Variants in SGCD observed in about 807,000 individuals in gnomAD.
SGCD encodes sarcoglycan delta.
In SGCD, 18 loss-of-function variants were observed where a neutral mutation model predicts 36.6. The observed-to-expected ratio is 0.49, with a 90% CI of 0.34 to 0.73. The LOEUF (loss-of-function observed/expected upper bound fraction) is 0.73. Ranked by LOEUF, SGCD falls within the 30% of genes least tolerant of loss-of-function variation. The pLI, the probability that SGCD is intolerant of heterozygous loss-of-function variation, is 0.01. For missense variants in SGCD, 387 were observed against 346.7 expected, an observed-to-expected ratio of 1.12 and a Z score of -0.92; for synonymous variants, 133 against 130.6, an observed-to-expected ratio of 1.02 and a Z score of -0.12.
At chr5:156,700,835 C>A (rs1216265983) in intron 7 of SGCD, among the ~76,000 whole-genome samples, 1 of 150,534 alleles carries the variant, frequency 6.6e-6, no homozygotes, top group Non-Finnish European at 1.5e-5. Flanking sequence ...CCCAGCTTCT[C>A]AAGAGGCTGA....
rs1281514930 is a variant in SGCD at position 156,489,705 on chromosome 5, A to G, written c.193-18896A>G. Among the ~76,000 whole-genome samples the G allele has an allele frequency of 2.6e-5, 4 of 152,072 alleles. No homozygotes were observed. The East Asian group carries it at 7.7e-4, about 29-fold the overall frequency. On this transcript the variant is annotated intron_variant, in intron 3 of 8. Coordinates refer to ENST00000337851, the MANE Select transcript of SGCD (RefSeq NM_000337.6). ...ATGGAAACACAGCATACCTAAACCT[A>G]TGCGATACAGGAAAAGCAGCACTAA...
intron 3 of SGCD, among the ~76,000 whole-genome samples, chr5:156,296,313 G>A (rs1216631578): frequency 1.3e-5 from 2 of 152,100 alleles, no homozygotes; most frequent in Non-Finnish European, 1.5e-5. Context: ...AACTAGAGAC[G>A]GTGTCAAAGG....
At chr5:156,196,048 A>G (rs1764018787) in intron 3 of SGCD, among the ~76,000 whole-genome samples, 2 of 152,108 alleles carry the variant, frequency 1.3e-5, no homozygotes, top group South Asian at 2.1e-4. Flanking sequence ...TCTAAAGTCT[A>G]GATCCCAGAT....
intron 3 of SGCD, among the ~76,000 whole-genome samples, chr5:156,428,087 G>A (rs1475967551): frequency 6.6e-6 from 1 of 152,040 alleles, no homozygotes; most frequent in Non-Finnish European, 1.5e-5. Context: ...TCTCTATCTT[G>A]TGGAATACTG....
intron 1 of SGCD, among the ~76,000 whole-genome samples, chr5:156,085,201 G>A (rs368811619): frequency 2.6e-5 from 4 of 151,902 alleles, no homozygotes; most frequent in African/African-American, 7.3e-5. Context: ...TCTCTATCTG[G>A]TTTTGATATC....
At chr5:156,453,083 T>A (rs1299157107) in intron 3 of SGCD, among the ~76,000 whole-genome samples, 2 of 152,172 alleles carry the variant, frequency 1.3e-5, no homozygotes, top group Non-Finnish European at 2.9e-5. Context: ...CATTGCCAGA[T>A]GACATGTGTC....
intron 3 of SGCD, among the ~76,000 whole-genome samples, chr5:156,127,869 A>C (rs1436222832): frequency 1.3e-5 from 2 of 149,160 alleles, no homozygotes; most frequent in Admixed American, 6.6e-5. Flanking sequence ...AAAAAAAAAA[A>C]AAAAAAAAAA....
rs1247245256 is a variant in SGCD at position 156,635,786 on chromosome 5, C to CA, written c.503-11672dup. Among the ~76,000 whole-genome samples, 5 of 142,972 alleles carry CA rather than the reference C, an allele frequency of 3.5e-5. No individual in the cohort carries two copies. The South Asian group carries it at 6.6e-4, about 19-fold the overall frequency. The allele number at this position is 142,972 out of a possible 152,430, so 93.8% of individuals were successfully genotyped here. ...CATTCTCAGCAAACTATCACAAGGACAAAAAACCAAAGACCACATGTTCTC... is the reference window on the plus strand; with the variant it reads ...CATTCTCAGCAAACTATCACAAGGACAAAAAAACCAAAGACCACATGTTCTC... On this transcript the variant is annotated intron_variant, in intron 6 of 8. Transcript: ENST00000337851.
intron 7 of SGCD, 63 bp from the exon 8 acceptor site, chr5:156,757,518 C>T (rs1386061419): frequency 5.6e-6 from 6 of 1,064,110 alleles, no homozygotes; most frequent in Non-Finnish European, 1.4e-6. Context: ...TGAGCATGAA[C>T]TTCCTTTTGT....
intron 1 of SGCD, among the ~76,000 whole-genome samples, chr5:155,997,887 TTA>T (rs1284331052): frequency 6.6e-6 from 1 of 152,234 alleles, no homozygotes; most frequent in Admixed American, 6.5e-5. Context: ...TGAAGTTCCA[TTA>T]GAGAGAGACC....
intron 1 of SGCD, among the ~76,000 whole-genome samples, chr5:155,940,556 A>G (rs946020767): frequency 1.3e-5 from 2 of 152,166 alleles, no homozygotes; most frequent in Non-Finnish European, 2.9e-5. Flanking sequence ...AGTACTAAAA[A>G]CATTAACGGC....
intron 2 of SGCD, among the ~76,000 whole-genome samples, chr5:156,122,866 A>G (rs1310246045): frequency 1.1e-5 from 1 of 87,362 alleles, no homozygotes; most frequent in Non-Finnish European, 2.9e-5. Flanking sequence ...AAAAAAAAAA[A>G]AAAAAAAAAA....
chr5:156,724,489 C>G (rs576919390), intron 7 of SGCD, among the ~76,000 whole-genome samples: 2 of 152,060 alleles, frequency 1.3e-5, no homozygotes, highest in African/African-American at 4.8e-5. Flanking sequence ...CACCTGCAGT[C>G]CCAGCTACTC....
intron 4 of SGCD, among the ~76,000 whole-genome samples, chr5:156,522,736 TA>T (rs11351184): frequency 0.48 from 69,536 of 145,548 alleles, 16,505 homozygotes; most frequent in Non-Finnish European, 0.5. Context: ...CCCCAGCACT[TA>T]AAAAAAAAAA....
At chr5:155,778,162 A>G in the SGCD span, among the ~76,000 whole-genome samples, 1 of 152,176 alleles carries the variant, frequency 6.6e-6, no homozygotes, top group Non-Finnish European at 1.5e-5. Context: ...AAAGAATAGC[A>G]AAACACAGCA....
chr5:155,982,989 T>C (rs1448316530), intron 1 of SGCD, among the ~76,000 whole-genome samples: 2 of 152,232 alleles, frequency 1.3e-5, no homozygotes, highest in Non-Finnish European at 2.9e-5. Flanking sequence ...CAGTGCTTTT[T>C]ATTTATTTTT....
At chr5:156,656,897 G>C (rs1301885750) in intron 7 of SGCD, among the ~76,000 whole-genome samples, 3 of 151,654 alleles carry the variant, frequency 2.0e-5, no homozygotes, top group Admixed American at 2.0e-4. Flanking sequence ...GTTTCTTTTT[G>C]TTGTTGTTGT....
At chr5:156,534,485 G>A (rs901141151) in intron 4 of SGCD, among the ~76,000 whole-genome samples, 7 of 152,096 alleles carry the variant, frequency 4.6e-5, no homozygotes, top group Non-Finnish European at 5.9e-5. Context: ...TCTTGATTGT[G>A]GTATGAGTTC....
chr5:156,691,064 A>T (rs2113705840), intron 7 of SGCD, among the ~76,000 whole-genome samples: 1 of 151,878 alleles, frequency 6.6e-6, no homozygotes, highest in South Asian at 2.1e-4. Context: ...AAAATTAGCC[A>T]AGAGTGGTGG....
Sources: allele counts gnomAD v4.1 joint callset (sites outside exome capture counted in the v4.1 genomes callset), GRCh38; gene constraint gnomAD v4.1.1; transcripts MANE v1.5; gene names NCBI Gene and HGNC (gene_info 2026-07-23, HGNC 2026-07-21).